The following ABCC6 variants were observed in gnomAD, a reference collection of about 807,000 sequenced individuals.
The protein encoded by ABCC6 is ATP binding cassette subfamily C member 6.
In ABCC6, 126 loss-of-function variants were observed where a neutral mutation model predicts 169.5. The observed-to-expected ratio is 0.74, with a 90% CI of 0.64 to 0.86. ABCC6 has a LOEUF of 0.86. Ranked by LOEUF, ABCC6 falls within the 40% of genes least tolerant of loss-of-function variation. ABCC6 has a pLI of 0.00. For synonymous variants in ABCC6, 752 were observed against 814.7 expected, an observed-to-expected ratio of 0.92 and a Z score of 1.31; for missense variants, 1,733 against 1,927.2, an observed-to-expected ratio of 0.90 and a Z score of 1.89.
At chr16:16,208,621 C>T (rs2048477825) in intron 7 of ABCC6, 107 bp downstream of exon 7, 15 of 1,582,068 alleles carry the variant, frequency 9.5e-6, no homozygotes, top group Non-Finnish European at 1.3e-5. Flanking sequence ...ATCCGCCTGC[C>T]TCGGCCTCCC....
chr16:16,152,440 G>C (rs1231899267), intron 29 of ABCC6, among the ~76,000 whole-genome samples: 1 of 151,850 alleles, frequency 6.6e-6, no homozygotes, highest in Non-Finnish European at 1.5e-5. Context: ...TAGAGTGCCT[G>C]GGTCTTGTCC....
chr16:16,173,305 C>G lies in ABCC6; in HGVS notation c.2766G>C (p.Lys922Asn). 1.2e-6 allele frequency: 2 copies of G among 1,613,980 alleles called. No individual in the cohort carries two copies. Among genetic ancestry groups the G allele is most frequent in the Non-Finnish European group, 1.7e-6 (2 of 1,180,006 alleles). ...DPDRAGWPAG[K>N]DSIQYGRVKA... ...TTACCCTGCCGTATTGGATGCTGTC[C>G]TTTCCTGCTGGCCATCCTGCCCTGT... Residue 922 changes from lysine (K) to asparagine (N), a missense_variant, in exon 21 of 31, where the codon AAG (lysine) becomes AAC (asparagine). Transcript: ENST00000205557.
At chr16:16,189,419 CTTTT>C (rs142245731) in intron 12 of ABCC6, among the ~76,000 whole-genome samples, 5 of 138,176 alleles carry the variant, frequency 3.6e-5, no homozygotes, top group Non-Finnish European at 4.7e-5. Flanking sequence ...ATTTGTGGTG[CTTTT>C]TTTTTTTTTT....
At chr16:16,166,341 G>C (rs929078025) in intron 22 of ABCC6, among the ~76,000 whole-genome samples, 2 of 151,930 alleles carry the variant, frequency 1.3e-5, no homozygotes, top group South Asian at 4.1e-4. Context: ...GAGCCACTGC[G>C]CCTGTACCCT....
chr16:16,220,091 C>T (rs1460389685), intron 2 of ABCC6, 144 bp from the exon 3 acceptor site: 1 of 692,464 alleles, frequency 1.4e-6, no homozygotes, highest in Non-Finnish European at 2.5e-6. Flanking sequence ...TAGCAACGTG[C>T]CAATGTGAAC....
chr16:16,177,692 C>T (rs2047327707), intron 18 of ABCC6, 66 bp from the exon 19 acceptor site: 1 of 1,591,166 alleles, frequency 6.3e-7, no homozygotes, highest in East Asian at 2.2e-5. Flanking sequence ...CCTGTAATCC[C>T]AACACTTTGG....
At chr16:16,189,505 C>G (rs897917949) in intron 12 of ABCC6, among the ~76,000 whole-genome samples, 2 of 151,482 alleles carry the variant, frequency 1.3e-5, no homozygotes, top group African/African-American at 2.4e-5. Flanking sequence ...GCAACCTCTG[C>G]CTCCTGGGTT....
chr16:16,215,331 C>T (rs2048822759), intron 4 of ABCC6, among the ~76,000 whole-genome samples: 1 of 152,278 alleles, frequency 6.6e-6, no homozygotes, highest in African/African-American at 2.4e-5. Context: ...GATGCTCCTG[C>T]TGCCACACCA....
In ABCC6 at chr16:16,149,971, C is replaced by T. The variant is rs2046342347; in HGVS notation, c.*162G>A. Reference sequence around the variant, plus strand: ...GCTAGGTCCTTCCGGCTCTGATGCTCTGTGATAATTGGCCACTTTCTCTGC... The same window carrying T: ...GCTAGGTCCTTCCGGCTCTGATGCTTTGTGATAATTGGCCACTTTCTCTGC... On this transcript the variant is annotated 3_prime_UTR_variant, in exon 31 of 31. Coordinates refer to ENST00000205557, the MANE Select transcript of ABCC6 (RefSeq NM_001171.6). 8 of 1,103,702 alleles carry T rather than the reference C, an allele frequency of 7.2e-6. No homozygotes were observed. Among genetic ancestry groups the T allele is most frequent in the Non-Finnish European group, 1.1e-5 (8 of 748,636 alleles). 68.4% of individuals were successfully genotyped at this position (1,103,702 alleles called of 1,614,324 possible). A position where few individuals can be genotyped will look rare whatever the true frequency, so the allele number is the denominator to read the frequency against.
chr16:16,158,443 A>ATCCT (rs2152217198), intron 26 of ABCC6, among the ~76,000 whole-genome samples: 1 of 147,742 alleles, frequency 6.8e-6, no homozygotes, highest in East Asian at 2.0e-4. Flanking sequence ...CCATCCATGC[A>ATCCT]TCCATCCATC....
intron 29 of ABCC6, among the ~76,000 whole-genome samples, chr16:16,151,345 TGCGCCCCG>T (rs2046383363): frequency 6.6e-6 from 1 of 152,196 alleles, no homozygotes; most frequent in African/African-American, 2.4e-5. Flanking sequence ...CGTGAGCCAC[TGCGCCCCG>T]GTAGTTCTAT....
intron 15 of ABCC6, 59 bp from the exon 16 acceptor site, chr16:16,182,989 A>C: frequency 1.9e-6 from 3 of 1,613,788 alleles, no homozygotes; most frequent in Non-Finnish European, 2.5e-6. Flanking sequence ...CTCTGTGAGG[A>C]AGGATGAGCC....
At position 16,188,992 on chromosome 16, in the gene ABCC6, C is replaced by T. The variant is rs760744820; in HGVS notation, c.1636-18G>A. 6.2e-7 allele frequency: 1 copy of T among 1,613,230 alleles called. No homozygotes were observed. The highest frequency in any genetic ancestry group is 8.5e-7 in the Non-Finnish European group (1 of 1,179,980). ...AGTGCGACCTGGGGGGTGGGGGGGA[C>T]ACGTGGGGCAACAGTGAGACACGCA... On this transcript the variant is annotated intron_variant, in intron 12 of 30. Transcript: ENST00000205557.
At chr16:16,201,209 C>T (rs1182259297) in intron 9 of ABCC6, among the ~76,000 whole-genome samples, 6 of 152,114 alleles carry the variant, frequency 3.9e-5, no homozygotes, top group Admixed American at 1.3e-4. Flanking sequence ...TCAAGTGATC[C>T]GCCTGTCTCA....
At chr16:16,168,513 G>A (rs186802058) in intron 22 of ABCC6, among the ~76,000 whole-genome samples, 13 of 152,106 alleles carry the variant, frequency 8.5e-5, no homozygotes, top group Admixed American at 7.2e-4. Context: ...GTATAAATAA[G>A]AAGCCAAACT....
intron 8 of ABCC6, among the ~76,000 whole-genome samples, chr16:16,202,845 A>T (rs2048287081): frequency 6.6e-6 from 1 of 152,210 alleles, no homozygotes. Context: ...CTGGCTACAA[A>T]ACCGGCTTTG....
chr16:16,168,430 G>A (rs1024527571), intron 22 of ABCC6, among the ~76,000 whole-genome samples: 7 of 152,214 alleles, frequency 4.6e-5, no homozygotes, highest in Non-Finnish European at 8.8e-5. Context: ...AGGTTGCAGT[G>A]AGCCGAGTTC....
At chr16:16,167,641 G>C (rs558945723) in intron 22 of ABCC6, among the ~76,000 whole-genome samples, 35 of 152,104 alleles carry the variant, frequency 2.3e-4, no homozygotes, top group Non-Finnish European at 4.4e-4. Flanking sequence ...GCTAATTTTT[G>C]TATTTTTAGT....
Position 16,178,969 on chromosome 16 carries a change from T to A in ABCC6, c.2248-4A>T. The A allele has an allele frequency of 3.1e-6, 5 of 1,612,172 alleles. No homozygotes were observed. The highest frequency in any genetic ancestry group is 4.2e-6 in the Non-Finnish European group (5 of 1,179,924). ...GGCCTCCGGAGAGATTCATGCCCTG[T>A]GGCCACAAAAGGAACAGTGGCCTGA... On this transcript the variant is annotated splice_region_variant and splice_polypyrimidine_tract_variant and intron_variant, in intron 17 of 30. Coordinates refer to ENST00000205557, the MANE Select transcript of ABCC6 (RefSeq NM_001171.6).
Sources: allele counts gnomAD v4.1 joint callset (sites outside exome capture counted in the v4.1 genomes callset), GRCh38; gene constraint gnomAD v4.1.1; transcripts MANE v1.5; gene names NCBI Gene and HGNC (gene_info 2026-07-23, HGNC 2026-07-21).